GATAD2A: variants seen among roughly 807,000 people sequenced by gnomAD.
GATAD2A encodes transcriptional repressor p66-alpha.
A neutral mutation model predicts 68.5 loss-of-function variants in GATAD2A; 12 were observed. That is an observed-to-expected ratio of 0.18 (90% CI 0.11 to 0.28). GATAD2A has a LOEUF of 0.28. GATAD2A is among the 10% of genes least tolerant of loss of function. The probability of loss-of-function intolerance (pLI) is 1.00; values close to 1 mark genes in which losing one functional copy is unlikely to be tolerated. For synonymous variants in GATAD2A, 410 were observed against 375.3 expected (o/e 1.09, Z -1.07); for missense variants, 755 against 868.5 (o/e 0.87, Z 1.64).
chr19:19,424,728 A>AG (rs1337399445), intron 1 of GATAD2A, among the ~76,000 whole-genome samples: 1 of 152,142 alleles, frequency 6.6e-6, no homozygotes, highest in African/African-American at 2.4e-5. Context: ...GGGGCCTCAG[A>AG]GGCAGCGACT....
rs1033231758 is a variant in GATAD2A at position 19,505,286 on chromosome 19, C to T, written c.1775-58C>T. ...GGGTCTAGGCAGCTATGGCTGGGCT[C>T]CTCCCAGGAGCCCTCCTGACGAGGG... On this transcript the variant is annotated intron_variant, in intron 11 of 11. Transcript: ENST00000683918. 13 of 1,574,096 alleles carry T rather than the reference C, an allele frequency of 8.3e-6. 1 individual carries two copies. The highest frequency in any genetic ancestry group is 2.3e-5 in the East Asian group (1 of 43,620).
At chr19:19,490,669 G>T (rs918387549) in intron 2 of GATAD2A, among the ~76,000 whole-genome samples, 1 of 152,084 alleles carries the variant, frequency 6.6e-6, no homozygotes, top group Non-Finnish European at 1.5e-5. Context: ...ATCATCTGAG[G>T]TCAGGAGTTC....
intron 1 of GATAD2A, among the ~76,000 whole-genome samples, chr19:19,390,287 C>T (rs1171844500): frequency 1.3e-5 from 2 of 151,940 alleles, no homozygotes; most frequent in Admixed American, 1.3e-4. Flanking sequence ...GAGGTGCTTA[C>T]TAGATGGATG....
intron 1 of GATAD2A, among the ~76,000 whole-genome samples, chr19:19,398,171 G>A (rs193136208): frequency 3.3e-5 from 5 of 151,764 alleles, no homozygotes; most frequent in Non-Finnish European, 5.9e-5. Context: ...CCAAAGTGCA[G>A]GGATTACAGG....
At chr19:19,451,004 A>G (rs1395007492) in intron 1 of GATAD2A, among the ~76,000 whole-genome samples, 1 of 150,472 alleles carries the variant, frequency 6.6e-6, no homozygotes, top group East Asian at 2.0e-4. Flanking sequence ...ACTTCTGACC[A>G]TGTGATCCGC....
intron 1 of GATAD2A, among the ~76,000 whole-genome samples, chr19:19,420,692 G>A (rs936123087): frequency 3.3e-5 from 5 of 151,882 alleles, no homozygotes; most frequent in Non-Finnish European, 5.9e-5. Flanking sequence ...TGTGGATATC[G>A]GCGGTAGTCC....
At chr19:19,437,134 ATTTTTT>A (rs1182337394) in intron 1 of GATAD2A, among the ~76,000 whole-genome samples, 1 of 152,092 alleles carries the variant, frequency 6.6e-6, no homozygotes, top group Non-Finnish European at 1.5e-5. Flanking sequence ...TTATATTTTT[ATTTTTT>A]ATGTTTTGAG....
rs190516978 is a variant in GATAD2A, at chr19:19,507,161, G to A, written c.*1687G>A. 6.6e-6 allele frequency: 1 copy of A among 151,438 alleles called. No individual in the cohort carries two copies. Among genetic ancestry groups the A allele is most frequent in the Admixed American group, 6.6e-5 (1 of 15,190 alleles). 9.4% of individuals were successfully genotyped at this position (151,438 alleles called of 1,614,324 possible). On this transcript the variant is annotated 3_prime_UTR_variant, in exon 12 of 12. Coordinates refer to ENST00000683918, the MANE Select transcript of GATAD2A (RefSeq NM_001384528.1). ...AGGAGGTGAGGACAGATTGGGGAAGGGTGGCTTTCATTCCAAGATCCAGGG... is the reference window on the plus strand; with the variant it reads ...AGGAGGTGAGGACAGATTGGGGAAGAGTGGCTTTCATTCCAAGATCCAGGG...
At chr19:19,395,237 T>C (rs1460420147) in intron 1 of GATAD2A, among the ~76,000 whole-genome samples, 2 of 152,218 alleles carry the variant, frequency 1.3e-5, no homozygotes, top group African/African-American at 4.8e-5. Flanking sequence ...GGCGGATCAT[T>C]TGAGCCCAGG....
At position 19,501,218 on chromosome 19, in the gene GATAD2A, C is replaced by G; in HGVS notation, c.1305C>G (p.Gly435=). ...GCCGCTGGCGGGAGGAGAAGAGCGGCGCCATCATGTGTGAGAACTGCATGA... is the reference window on the plus strand; with the variant it reads ...GCCGCTGGCGGGAGGAGAAGAGCGGGGCCATCATGTGTGAGAACTGCATGA... ...FTCRWREEKS[G]AIMCENCMTT... is the part of the protein sequence containing the mutation. The change falls in exon 9 of 12, where the codon GGC becomes GGG. Residue 435 remains glycine (G), a synonymous_variant. Coordinates refer to ENST00000683918, the MANE Select transcript of GATAD2A (RefSeq NM_001384528.1). The G allele has an allele frequency of 1.9e-6, 3 of 1,613,454 alleles. No individual in the cohort carries two copies. The highest frequency in any genetic ancestry group is 2.5e-6 in the Non-Finnish European group (3 of 1,179,974).
intron 1 of GATAD2A, among the ~76,000 whole-genome samples, chr19:19,449,331 G>C (rs918426066): frequency 1.5e-5 from 2 of 134,176 alleles, no homozygotes; most frequent in Non-Finnish European, 3.1e-5. Context: ...CCACTGTGCA[G>C]GCCTAGTGTG....
At chr19:19,389,028 G>T (rs1440850778) in intron 1 of GATAD2A, among the ~76,000 whole-genome samples, 2 of 152,068 alleles carry the variant, frequency 1.3e-5, no homozygotes, top group Non-Finnish European at 2.9e-5. Flanking sequence ...CTTTGGCCTG[G>T]CCCAAAAGGA....
chr19:19,507,945 C>T lies in GATAD2A; in HGVS notation c.*2471C>T, dbSNP rs2060937588. On this transcript the variant is annotated 3_prime_UTR_variant, in exon 12 of 12. Transcript: ENST00000683918. Reference sequence around the variant, plus strand: ...GGTGAAGGCATTATTAAGTACCTCTCTGGGTGTGGGGTTTGGACGCACCAG... The same window carrying T: ...GGTGAAGGCATTATTAAGTACCTCTTTGGGTGTGGGGTTTGGACGCACCAG... 1 of 152,190 alleles carries T rather than the reference C, an allele frequency of 6.6e-6. No individual in the cohort carries two copies. The allele number at this position is 152,190 out of a possible 1,614,324, so 9.4% of individuals were successfully genotyped here.
chr19:19,417,595 A>T (rs1011141067), intron 1 of GATAD2A, among the ~76,000 whole-genome samples: 1 of 152,178 alleles, frequency 6.6e-6, no homozygotes, highest in African/African-American at 2.4e-5. Context: ...GGGCGAAAGC[A>T]CAGGTTGCTG....
At chr19:19,448,979 T>C (rs193059740) in intron 1 of GATAD2A, among the ~76,000 whole-genome samples, 1 of 152,330 alleles carries the variant, frequency 6.6e-6, no homozygotes, top group Admixed American at 6.5e-5. Flanking sequence ...GGCTCTTTCA[T>C]GGCCAGTGTG....
chr19:19,436,559 G>A (rs1176094676), intron 1 of GATAD2A, among the ~76,000 whole-genome samples: 1 of 152,244 alleles, frequency 6.6e-6, no homozygotes, highest in Non-Finnish European at 1.5e-5. Flanking sequence ...TCCCAGCAGT[G>A]ATAGATGCCG....
intron 1 of GATAD2A, among the ~76,000 whole-genome samples, chr19:19,416,141 A>G (rs2051609694): frequency 6.6e-6 from 1 of 152,178 alleles, no homozygotes; most frequent in African/African-American, 2.4e-5. Context: ...CTTAATTTGT[A>G]GACATCCTTC....
At chr19:19,470,156 T>G (rs551349254) in intron 2 of GATAD2A, among the ~76,000 whole-genome samples, 3 of 96,544 alleles carry the variant, frequency 3.1e-5, no homozygotes, top group African/African-American at 1.2e-4. Context: ...TTTTTTTTTG[T>G]TTTTTTTTTT....
intron 1 of GATAD2A, among the ~76,000 whole-genome samples, chr19:19,395,094 G>A (rs977489316): frequency 2.2e-4 from 34 of 152,196 alleles, no homozygotes; most frequent in Admixed American, 2.2e-3. Flanking sequence ...GTGGATGCTT[G>A]CTCCCTCCTG....
Sources: allele counts gnomAD v4.1 joint callset (sites outside exome capture counted in the v4.1 genomes callset), GRCh38; gene constraint gnomAD v4.1.1; transcripts MANE v1.5; gene names NCBI Gene and HGNC (gene_info 2026-07-23, HGNC 2026-07-21).